The following SEPTIN9 variants were observed in gnomAD, a reference collection of about 807,000 sequenced individuals.
SEPTIN9 encodes septin 9.
Under a neutral mutation model 56.6 loss-of-function variants are expected in SEPTIN9, and 13 were observed. The ratio of observed to expected loss-of-function variants is 0.23; its 90% confidence interval spans 0.15 to 0.37. The LOEUF (loss-of-function observed/expected upper bound fraction) is 0.37. Among genes scored for constraint, SEPTIN9 ranks in the 10% least tolerant of loss-of-function variants. SEPTIN9 has a pLI of 1.00. For synonymous variants in SEPTIN9, 332 were observed against 334.1 expected (o/e 0.99, Z 0.07); for missense variants, 650 against 823.1 (o/e 0.79, Z 2.57).
intron 3 of SEPTIN9, chr17:77,466,342 T>C: frequency 2.1e-6 from 2 of 966,730 alleles, no homozygotes; most frequent in Non-Finnish European, 2.5e-6. Context: ...CCAGGCCCCT[T>C]CCCCCTCCCA....
At position 77,437,712 on chromosome 17, in the gene SEPTIN9, A is replaced by G. The variant is rs1281635525; in HGVS notation, c.721+35009A>G. Among the ~76,000 whole-genome samples the G allele has an allele frequency of 6.6e-6, 1 of 151,786 alleles. No homozygotes were observed. Among genetic ancestry groups the G allele is most frequent in the Non-Finnish European group, 1.5e-5 (1 of 67,932 alleles). ...CTCCATGCTGCAAAAGCCCAAGTGA[A>G]CCCCAGTAGTGGCCTGGGAGAATCA... On this transcript the variant is annotated intron_variant, in intron 3 of 11. Coordinates refer to ENST00000427177, the MANE Select transcript of SEPTIN9 (RefSeq NM_001113491.2). This position sits in a 1 kb window ranked among gnomAD's most constrained non-coding sequence, Gnocchi z 5.3.
intron 3 of SEPTIN9, chr17:77,444,841 G>C (rs1248025402): frequency 3.7e-6 from 1 of 273,760 alleles, no homozygotes; most frequent in East Asian, 1.1e-4. Flanking sequence ...TGGGAAGCTA[G>C]AAGCCGTGGT....
chr17:77,364,703 G>A (rs916164872), intron 2 of SEPTIN9, among the ~76,000 whole-genome samples: 5 of 152,228 alleles, frequency 3.3e-5, no homozygotes, highest in African/African-American at 9.6e-5. Flanking sequence ...GCAGAGACGG[G>A]CAGGGGTCCC....
chr17:77,498,807 G>A lies in SEPTIN9; in HGVS notation c.*149G>A. The stretch of plus-strand genomic sequence containing the variant: ...ACATGCTGCCAGGAAACAAGGGAAG[G>A]GGCCTCCCTCCGAGTGAGTCAGTGA... On this transcript the variant is annotated 3_prime_UTR_variant, in exon 12 of 12. Coordinates refer to ENST00000427177, the MANE Select transcript of SEPTIN9 (RefSeq NM_001113491.2). 1.6e-6 allele frequency: 1 copy of A among 644,496 alleles called. No individual in the cohort carries two copies. The highest frequency in any genetic ancestry group is 2.8e-6 in the Non-Finnish European group (1 of 354,292). The allele number at this position is 644,496 out of a possible 1,614,324, so 39.9% of individuals were successfully genotyped here. A position where few individuals can be genotyped will look rare whatever the true frequency, so the allele number is the denominator to read the frequency against.
At chr17:77,413,087 C>CGT (rs3047410) in intron 3 of SEPTIN9, among the ~76,000 whole-genome samples, 13,839 of 143,876 alleles carry the variant, frequency 0.096, 823 homozygotes, top group African/African-American at 0.17. Context: ...GCGGGTGGGG[C>CGT]GTGTGTGTGT....
chr17:77,352,690 G>T (rs150671470), intron 2 of SEPTIN9, among the ~76,000 whole-genome samples: 3 of 152,164 alleles, frequency 2.0e-5, no homozygotes, highest in Non-Finnish European at 2.9e-5. Flanking sequence ...TTAGGGACAG[G>T]TTCTCATTCT....
intron 2 of SEPTIN9, among the ~76,000 whole-genome samples, chr17:77,368,961 G>T (rs559687683): frequency 1.3e-5 from 2 of 152,302 alleles, no homozygotes; most frequent in African/African-American, 4.8e-5. Flanking sequence ...AAATTGGCCG[G>T]CTGGGCACGA....
rs77773888 is a variant in SEPTIN9 at position 77,371,029 on chromosome 17, A to G, written c.77-31030A>G. On this transcript the variant is annotated intron_variant, in intron 2 of 11. Transcript: ENST00000427177. The surrounding 1 kb of genome is among the most constrained non-coding windows in gnomAD (Gnocchi z 4.1). ...CCCATCTCCTCTGAGGACAGGAAAA[A>G]AAAGGAAATAAATGATGTACAATTA... Among the ~76,000 whole-genome samples, 42 of 152,346 alleles carry G rather than the reference A, an allele frequency of 2.8e-4. No individual in the cohort carries two copies. Among genetic ancestry groups the G allele is most frequent in the African/African-American group, 1.0e-3 (42 of 41,582 alleles).
chr17:77,472,635 G>C (rs1451276956), intron 3 of SEPTIN9: 1 of 152,258 alleles, frequency 6.6e-6, no homozygotes, highest in Non-Finnish European at 1.5e-5. Context: ...GAAAAATGCA[G>C]CTCTTTGCCT....
At position 77,497,191 on chromosome 17, in the gene SEPTIN9, T is replaced by A. The variant is rs1249017332; in HGVS notation, c.1574-124T>A. On this transcript the variant is annotated intron_variant, in intron 10 of 11. Coordinates refer to ENST00000427177, the MANE Select transcript of SEPTIN9 (RefSeq NM_001113491.2). Reference sequence around the variant, plus strand: ...AGAGCAGGTGGTTCCCCTGCCCTCCTGCCCATGGGGCTGCCCTCAGACTCT... The same window carrying A: ...AGAGCAGGTGGTTCCCCTGCCCTCCAGCCCATGGGGCTGCCCTCAGACTCT... 4 of 954,664 alleles carry A rather than the reference T, an allele frequency of 4.2e-6. No homozygotes were observed. In the African/African-American group the frequency reaches 6.5e-5, roughly 16 times the overall value. 59.1% of individuals were successfully genotyped at this position (954,664 alleles called of 1,614,324 possible).
chr17:77,475,486 C>CT lies in SEPTIN9; in HGVS notation c.722-6658_722-6657insT. Reference sequence around the variant, plus strand: ...AAGCCCCTTTGTGGGGGACAGGGAGCATCTGTTAGTTTATAGGACCTGAAG... The same window carrying CT: ...AAGCCCCTTTGTGGGGGACAGGGAGCTATCTGTTAGTTTATAGGACCTGAAG... On this transcript the variant is annotated intron_variant, in intron 3 of 11. Coordinates refer to ENST00000427177, the MANE Select transcript of SEPTIN9 (RefSeq NM_001113491.2). This position sits in a 1 kb window ranked among gnomAD's most constrained non-coding sequence, Gnocchi z 4.6. 1 of 1,595,060 alleles carries CT rather than the reference C, an allele frequency of 6.3e-7. No individual in the cohort carries two copies. The highest frequency in any genetic ancestry group is 8.5e-7 in the Non-Finnish European group (1 of 1,171,406).
intron 2 of SEPTIN9, among the ~76,000 whole-genome samples, chr17:77,365,291 G>C (rs1372701522): frequency 6.6e-6 from 1 of 152,100 alleles, no homozygotes; most frequent in Non-Finnish European, 1.5e-5. Flanking sequence ...GCTCCATGAA[G>C]CCTGCCTTGT....
chr17:77,390,827 A>G (rs1656794), intron 2 of SEPTIN9, among the ~76,000 whole-genome samples: 112,754 of 152,122 alleles, frequency 0.74, 42,288 homozygotes, highest in African/African-American at 0.86. Context: ...GGTGGGGCAC[A>G]ATTCTGGCCC....
chr17:77,353,761 A>G (rs2034133733), intron 2 of SEPTIN9, among the ~76,000 whole-genome samples: 1 of 152,180 alleles, frequency 6.6e-6, no homozygotes, highest in South Asian at 2.1e-4. Flanking sequence ...TTCCTGTGGA[A>G]ACAGTGTCTC....
chr17:77,473,490 C>T lies in SEPTIN9; in HGVS notation c.722-8654C>T, dbSNP rs1598430183. On this transcript the variant is annotated intron_variant, in intron 3 of 11. Coordinates refer to ENST00000427177, the MANE Select transcript of SEPTIN9 (RefSeq NM_001113491.2). ...TCAAACGATCCTCCCGCCTCGGCCT[C>T]CCAGAGTGCCAAGTTATTTTTTTAA... 3.3e-5 allele frequency among the ~76,000 whole-genome samples: 5 copies of T among 152,260 alleles called. No homozygotes were observed. The South Asian group carries it at 1.0e-3, about 32-fold the overall frequency.
intron 8 of SEPTIN9, among the ~76,000 whole-genome samples, chr17:77,491,428 G>T (rs1438733669): frequency 6.6e-6 from 1 of 151,820 alleles, no homozygotes; most frequent in Non-Finnish European, 1.5e-5. Flanking sequence ...TAACCCTTGG[G>T]CTCAAGGGAT....
At chr17:77,444,024 G>A (rs886626142) in intron 3 of SEPTIN9, among the ~76,000 whole-genome samples, 8 of 152,092 alleles carry the variant, frequency 5.3e-5, no homozygotes, top group Non-Finnish European at 2.9e-5. Context: ...CTGACTCTGG[G>A]GGTGGGGGTC....
intron 2 of SEPTIN9, among the ~76,000 whole-genome samples, chr17:77,378,802 T>G (rs1288595595): frequency 6.6e-6 from 1 of 152,102 alleles, no homozygotes; most frequent in Non-Finnish European, 1.5e-5. Flanking sequence ...AGGTTCCTCT[T>G]ACTGGGAGGT....
intron 3 of SEPTIN9, chr17:77,454,131 C>G: frequency 1.0e-6 from 1 of 985,878 alleles, no homozygotes; most frequent in Non-Finnish European, 1.2e-6. Flanking sequence ...GGCTCCTCCC[C>G]GCCGGCCCCT....
Sources: allele counts gnomAD v4.1 joint callset (sites outside exome capture counted in the v4.1 genomes callset), GRCh38; gene constraint gnomAD v4.1.1; non-coding constraint Gnocchi (gnomAD v3.1); transcripts MANE v1.5; gene names NCBI Gene and HGNC (gene_info 2026-07-23, HGNC 2026-07-21).